Variants in STXBP4 observed in about 807,000 individuals in gnomAD.
The protein encoded by STXBP4 is syntaxin-binding protein 4.
Under a neutral mutation model 76.1 loss-of-function variants are expected in STXBP4, and 55 were observed. The observed-to-expected ratio is 0.72, with a 90% CI of 0.58 to 0.91. The LOEUF is 0.91. Ranked by LOEUF, STXBP4 falls within the 40% of genes least tolerant of loss-of-function variation. The pLI, the probability that STXBP4 is intolerant of heterozygous loss-of-function variation, is 0.00. For missense variants in STXBP4, 618 were observed against 636.9 expected (o/e 0.97, Z 0.32); for synonymous variants, 201 against 220.2 (o/e 0.91, Z 0.77).
At chr17:55,015,542 C>A (rs192239075) in intron 8 of STXBP4, among the ~76,000 whole-genome samples, 129 of 152,152 alleles carry the variant, frequency 8.5e-4, no homozygotes, top group Non-Finnish European at 1.0e-3. Flanking sequence ...GTATAGCCAT[C>A]AGGGTTATAT....
chr17:55,067,432 A>G (rs2079066911), intron 12 of STXBP4, among the ~76,000 whole-genome samples: 1 of 152,204 alleles, frequency 6.6e-6, no homozygotes, highest in Non-Finnish European at 1.5e-5. Context: ...AAATATATAT[A>G]CCTAGAGGAT....
the STXBP4 span, among the ~76,000 whole-genome samples, chr17:55,209,835 A>C: frequency 6.6e-6 from 1 of 152,024 alleles, no homozygotes; most frequent in Non-Finnish European, 1.5e-5. Flanking sequence ...CCCTCTTCCG[A>C]GGGGATTTTC....
chr17:55,184,434 A>T, the STXBP4 span, among the ~76,000 whole-genome samples: 3 of 152,254 alleles, frequency 2.0e-5, no homozygotes, highest in African/African-American at 7.2e-5. Flanking sequence ...GGAGAAATAG[A>T]ACTTTCTAGC....
intron 16 of STXBP4, among the ~76,000 whole-genome samples, chr17:55,096,878 T>C (rs1453971063): frequency 6.6e-6 from 1 of 152,222 alleles, no homozygotes; most frequent in Non-Finnish European, 1.5e-5. Context: ...ATTATTGCTC[T>C]TTTCATATTG....
intron 1 of STXBP4, among the ~76,000 whole-genome samples, chr17:54,974,755 A>G (rs965313938): frequency 6.6e-6 from 1 of 152,264 alleles, no homozygotes; most frequent in East Asian, 1.9e-4. Context: ...GGCATTGTAC[A>G]GTAAGCAGCA....
chr17:55,052,842 T>C (rs1268292954), intron 12 of STXBP4, among the ~76,000 whole-genome samples: 1 of 133,392 alleles, frequency 7.5e-6, no homozygotes, highest in Non-Finnish European at 1.5e-5. Context: ...AATCTAACCA[T>C]GAAGAGATGT....
intron 10 of STXBP4, among the ~76,000 whole-genome samples, chr17:55,036,886 A>C (rs2078612968): frequency 6.6e-6 from 1 of 152,114 alleles, no homozygotes; most frequent in Admixed American, 6.6e-5. Flanking sequence ...CATGATTTCA[A>C]ATTCCAGAAA....
intron 12 of STXBP4, among the ~76,000 whole-genome samples, chr17:55,072,207 C>G (rs936126446): frequency 6.6e-6 from 1 of 152,148 alleles, no homozygotes; most frequent in South Asian, 2.1e-4. Context: ...GGTCATATAA[C>G]TTCTCTGAGT....
intron 16 of STXBP4, among the ~76,000 whole-genome samples, chr17:55,137,886 G>A (rs1339367249): frequency 1.3e-5 from 2 of 152,112 alleles, no homozygotes; most frequent in Non-Finnish European, 2.9e-5. Flanking sequence ...TCAATGCTGT[G>A]TCTAATTAAA....
At chr17:55,079,852 T>C (rs1186610708) in intron 15 of STXBP4, among the ~76,000 whole-genome samples, 1 of 152,260 alleles carries the variant, frequency 6.6e-6, no homozygotes, top group African/African-American at 2.4e-5. Context: ...GGTGTCCACA[T>C]AGCATTTTTT....
At chr17:55,062,630 G>A (rs965987267) in intron 12 of STXBP4, among the ~76,000 whole-genome samples, 2 of 152,008 alleles carry the variant, frequency 1.3e-5, no homozygotes, top group South Asian at 4.2e-4. Context: ...GAGATTGCTG[G>A]GTCAAATGGT....
intron 17 of STXBP4, among the ~76,000 whole-genome samples, chr17:55,156,596 T>C (rs920254908): frequency 5.3e-5 from 8 of 152,200 alleles, no homozygotes; most frequent in African/African-American, 1.4e-4. Flanking sequence ...CTGTGTCCCA[T>C]TGGTTCTGGA....
In STXBP4 at chr17:54,999,702, T is replaced by G. The variant is rs34870302; in HGVS notation, c.358T>G (p.Cys120Gly). The G allele has an allele frequency of 1.8e-4, 290 of 1,613,592 alleles. 3 individuals are homozygous for G. The highest frequency in any genetic ancestry group is 2.4e-4 in the Non-Finnish European group (282 of 1,179,834). Residue 120 changes from cysteine to glycine, a missense_variant, in exon 6 of 18, where the codon TGT becomes GGT. Coordinates refer to ENST00000376352, the MANE Select transcript of STXBP4 (RefSeq NM_178509.6). Reference sequence around the variant, plus strand: ...CAACATTCAGCCAGAAAATCTGTCATGTACATCACTTATAGAAGCTTCAGG... The same window carrying G: ...CAACATTCAGCCAGAAAATCTGTCAGGTACATCACTTATAGAAGCTTCAGG... Reference protein sequence around the residue: ...SDNIQPENLSCTSLIEASGEY... With the variant: ...SDNIQPENLSGTSLIEASGEY...
chr17:55,198,114 C>G, the STXBP4 span, among the ~76,000 whole-genome samples: 1 of 152,186 alleles, frequency 6.6e-6, no homozygotes, highest in South Asian at 2.1e-4. Flanking sequence ...GGCATACACC[C>G]CATGCAAATG....
intron 1 of STXBP4, among the ~76,000 whole-genome samples, chr17:54,975,793 T>A (rs1210533373): frequency 6.6e-6 from 1 of 152,176 alleles, no homozygotes; most frequent in East Asian, 1.9e-4. Flanking sequence ...CAGTTGCACT[T>A]CTTTCTTTTC....
At chr17:55,207,866 C>T in the STXBP4 span, among the ~76,000 whole-genome samples, 10 of 152,184 alleles carry the variant, frequency 6.6e-5, no homozygotes, top group South Asian at 1.2e-3. Context: ...GTGTTAACGC[C>T]GGTGATCTCT....
chr17:55,127,161 T>G (rs2079921595), intron 16 of STXBP4, among the ~76,000 whole-genome samples: 1 of 152,180 alleles, frequency 6.6e-6, no homozygotes. Context: ...CCATCCCTTG[T>G]CCCAGGCAGC....
chr17:55,004,204 G>A (rs1333212419), intron 7 of STXBP4, among the ~76,000 whole-genome samples: 2 of 151,398 alleles, frequency 1.3e-5, no homozygotes, highest in African/African-American at 4.9e-5. Context: ...AAGAATTGTT[G>A]CATGAAGAAA....
intron 16 of STXBP4, among the ~76,000 whole-genome samples, chr17:55,117,003 T>G (rs912365673): frequency 1.4e-4 from 21 of 151,834 alleles, no homozygotes; most frequent in Non-Finnish European, 2.4e-4. Context: ...ATAAGCATAA[T>G]TAAGAATCTT....
Sources: gnomAD v4.1 joint callset for allele counts (sites outside exome capture counted in the v4.1 genomes callset) on GRCh38, gnomAD v4.1.1 for gene constraint, MANE v1.5 for transcripts, NCBI Gene and HGNC (gene_info 2026-07-23, HGNC 2026-07-21) for gene names.